Variants in PCDH7 observed in about 807,000 individuals in gnomAD.
The protein encoded by PCDH7 is protocadherin 7.
A neutral mutation model predicts 58.9 loss-of-function variants in PCDH7; 17 were observed. The observed-to-expected ratio is 0.29, with a 90% confidence interval of 0.20 to 0.43. The LOEUF (loss-of-function observed/expected upper bound fraction) is 0.43, where lower values mean the gene tolerates loss of function less well. Among genes scored for constraint, PCDH7 ranks in the 20% least tolerant of loss-of-function variants. PCDH7 has a pLI of 1.00. For missense variants in PCDH7, 1,274 were observed against 1,441.0 expected (o/e 0.88, Z 1.88); for synonymous variants, 664 against 616.4 (o/e 1.08, Z -1.14).
At chr4:30,794,937 A>G (rs943964826) in intron 1 of PCDH7, among the ~76,000 whole-genome samples, 1 of 152,158 alleles carries the variant, frequency 6.6e-6, no homozygotes, top group East Asian at 1.9e-4. Flanking sequence ...TTAAGTGATA[A>G]TGATTTGATC....
At chr4:30,970,361 C>A (rs1265950260) in intron 3 of PCDH7, among the ~76,000 whole-genome samples, 1 of 151,526 alleles carries the variant, frequency 6.6e-6, no homozygotes, top group Non-Finnish European at 1.5e-5. Context: ...GTGGCACGAT[C>A]TCGGCTCACT....
intron 1 of PCDH7, among the ~76,000 whole-genome samples, chr4:30,787,162 C>T (rs1346653845): frequency 2.0e-5 from 3 of 151,972 alleles, no homozygotes; most frequent in Non-Finnish European, 2.9e-5. Flanking sequence ...TGGACTCAAG[C>T]AAAGAGTGTG....
At chr4:30,901,314 T>C (rs1460982106) in intron 1 of PCDH7, among the ~76,000 whole-genome samples, 1 of 152,110 alleles carries the variant, frequency 6.6e-6, no homozygotes, top group East Asian at 1.9e-4. Context: ...GAGGAATAAG[T>C]ATATATACCA....
chr4:31,068,256 A>G (rs1758250080), intron 3 of PCDH7, among the ~76,000 whole-genome samples: 1 of 151,802 alleles, frequency 6.6e-6, no homozygotes. Flanking sequence ...GTAGATGGGA[A>G]ATCTCTGTAT....
At chr4:31,068,406 A>G (rs924677533) in intron 3 of PCDH7, among the ~76,000 whole-genome samples, 1 of 152,034 alleles carries the variant, frequency 6.6e-6, no homozygotes, top group African/African-American at 2.4e-5. Context: ...GCACAGCAAG[A>G]TGACTCGTAA....
At chr4:31,053,230 C>T (rs9884819) in intron 3 of PCDH7, among the ~76,000 whole-genome samples, 5,673 of 152,178 alleles carry the variant, frequency 0.037, 375 homozygotes, top group African/African-American at 0.13. Context: ...GTGAAAACAT[C>T]ATTTTCAAAA....
intron 3 of PCDH7, among the ~76,000 whole-genome samples, chr4:31,105,371 T>C (rs796471073): frequency 2.6e-5 from 4 of 152,160 alleles, no homozygotes; most frequent in African/African-American, 7.2e-5. Context: ...GGTTTTTTGA[T>C]GCTAAATTCT....
At chr4:30,965,530 CATG>C (rs1748918189) in intron 3 of PCDH7, among the ~76,000 whole-genome samples, 1 of 152,022 alleles carries the variant, frequency 6.6e-6, no homozygotes, top group African/African-American at 2.4e-5. Flanking sequence ...CTATAGATCA[CATG>C]ATAAGATATC....
intron 1 of PCDH7, among the ~76,000 whole-genome samples, chr4:30,728,818 G>A (rs56988158): frequency 0.022 from 3,341 of 150,334 alleles, 131 homozygotes; most frequent in African/African-American, 0.078. Flanking sequence ...TACATATCTC[G>A]TATGTGAAAA....
chr4:30,902,083 G>C (rs1740293609), intron 1 of PCDH7, among the ~76,000 whole-genome samples: 1 of 152,172 alleles, frequency 6.6e-6, no homozygotes, highest in Middle Eastern at 3.2e-3. Context: ...TAGTACTACT[G>C]TGACAAACGA....
rs540085194 is a variant in PCDH7, at chr4:30,722,600, C to G, written c.1178C>G (p.Pro393Arg). The G allele has an allele frequency of 6.2e-7, 1 of 1,613,176 alleles. No individual in the cohort carries two copies. The highest frequency in any genetic ancestry group is 1.1e-5 in the South Asian group (1 of 91,082). ...GTCATGGCCCGCGACCGCGGGCAGC[C>G]CCCCAAGACCGACAAGGCCACCGTG... is the stretch of plus-strand genomic sequence containing the variant. The change falls in exon 1 of 2, where the codon CCC (proline) becomes CGC (arginine). Residue 393 changes from proline (P) to arginine (R), a missense_variant. Around this residue, in one of 3 missense-constraint regions of PCDH7, gnomAD observed 731 missense variants for 881.9 expected, o/e 0.83. Coordinates refer to ENST00000361762, the Ensembl canonical transcript of PCDH7. The surrounding 1 kb of genome is among the most constrained non-coding windows in gnomAD (Gnocchi z 7.6).
chr4:30,994,272 G>A (rs924109524), intron 3 of PCDH7, among the ~76,000 whole-genome samples: 5 of 152,140 alleles, frequency 3.3e-5, no homozygotes, highest in African/African-American at 1.2e-4. Context: ...AATTTAGCCA[G>A]CCATTGGAAA....
chr4:30,811,876 A>ATAATATTTC (rs1169349503), intron 1 of PCDH7, among the ~76,000 whole-genome samples: 1 of 152,172 alleles, frequency 6.6e-6, no homozygotes, highest in East Asian at 1.9e-4. Context: ...TGAAGTGATA[A>ATAATATTTC]TAATATTTCA....
At chr4:30,864,219 C>T (rs1734576279) in intron 1 of PCDH7, among the ~76,000 whole-genome samples, 1 of 151,658 alleles carries the variant, frequency 6.6e-6, no homozygotes, top group Admixed American at 6.6e-5. Context: ...ATTAATTACA[C>T]TAGAAAGAAA....
At chr4:30,897,139 C>G (rs1010980050) in intron 1 of PCDH7, among the ~76,000 whole-genome samples, 1 of 151,858 alleles carries the variant, frequency 6.6e-6, no homozygotes. Context: ...CTCCTGACCT[C>G]GTCATCCTCC....
At chr4:30,762,257 G>A (rs566863453) in intron 1 of PCDH7, among the ~76,000 whole-genome samples, 62 of 151,956 alleles carry the variant, frequency 4.1e-4, no homozygotes, top group Middle Eastern at 3.4e-3. Context: ...CTTAAAATTC[G>A]CATTTTTTCC....
chr4:30,928,616 T>C (rs1744189774), intron 2 of PCDH7, among the ~76,000 whole-genome samples: 1 of 152,150 alleles, frequency 6.6e-6, no homozygotes, highest in African/African-American at 2.4e-5. Context: ...ATTAGAGAAG[T>C]TCAGAGTGGT....
At chr4:30,780,637 C>CTTATACAATATACA (rs1465120098) in intron 1 of PCDH7, among the ~76,000 whole-genome samples, 4 of 152,172 alleles carry the variant, frequency 2.6e-5, no homozygotes, top group Admixed American at 6.5e-5. Flanking sequence ...CCAATCTTTA[C>CTTATACAATATACA]ATACTTAATT....
intron 3 of PCDH7, among the ~76,000 whole-genome samples, chr4:31,095,014 A>T (rs1713773754): frequency 6.6e-6 from 1 of 152,130 alleles, no homozygotes; most frequent in South Asian, 2.1e-4. Flanking sequence ...GAAAAAATCA[A>T]ACAGAGTAGT....
Sources: gnomAD v4.1 joint callset for allele counts (sites outside exome capture counted in the v4.1 genomes callset) on GRCh38, gnomAD v4.1.1 for gene constraint, gnomAD v4.1.1 regional missense constraint, Gnocchi (gnomAD v3.1) non-coding constraint, MANE v1.5 for transcripts, NCBI Gene and HGNC (gene_info 2026-07-23, HGNC 2026-07-21) for gene names.